The following FAAH2 variants were observed in gnomAD, a reference collection of about 807,000 sequenced individuals.
FAAH2 encodes fatty acid amide hydrolase 2, also known as fatty-acid amide hydrolase 2.
FAAH2 carries 60 observed loss-of-function variants against 36.9 expected under a neutral mutation model. The observed-to-expected ratio is 1.63, with a 90% confidence interval of 1.32 to 2.02. The LOEUF is 2.02. Ranked by LOEUF, FAAH2 falls within the 30% of genes most tolerant of loss-of-function variation. FAAH2 has a pLI of 0.00. For missense variants in FAAH2, 689 were observed against 397.5 expected (o/e 1.73, Z -6.23); for synonymous variants, 214 against 143.8 (o/e 1.49, Z -3.49).
intron 7 of FAAH2, among the ~76,000 whole-genome samples, chrX:57,401,319 G>A (rs746778457): frequency 9.0e-6 from 1 of 111,078 alleles, no homozygotes; most frequent in Non-Finnish European, 1.9e-5. Context: ...AGGTAAAACA[G>A]TCCAGGTGAG....
At chrX:57,406,736 G>A (rs2055575703) in intron 7 of FAAH2, among the ~76,000 whole-genome samples, 1 of 112,729 alleles carries the variant, frequency 8.9e-6, no homozygotes, top group African/African-American at 3.2e-5. Context: ...CAGTTCTGTG[G>A]CTGGTCTGCA....
At chrX:57,439,095 A>C (rs1046862660) in intron 8 of FAAH2, among the ~76,000 whole-genome samples, 3 of 110,969 alleles carry the variant, frequency 2.7e-5, no homozygotes, top group Admixed American at 9.6e-5. Flanking sequence ...AGCATGATTT[A>C]TAATCCTTTG....
intron 10 of FAAH2, among the ~76,000 whole-genome samples, chrX:57,482,371 G>T (rs923574021): frequency 9.0e-6 from 1 of 111,648 alleles, no homozygotes; most frequent in Non-Finnish European, 1.9e-5. Flanking sequence ...GAAACTCAGG[G>T]CCCCGGTGGT....
chrX:57,346,685 C>T (rs775218817), intron 5 of FAAH2, among the ~76,000 whole-genome samples: 12 of 111,385 alleles, frequency 1.1e-4, no homozygotes, highest in South Asian at 3.7e-4. Flanking sequence ...TATCTGTGGG[C>T]TATTTGCTTG....
chrX:57,468,210 G>A (rs908531588), intron 10 of FAAH2, among the ~76,000 whole-genome samples: 12 of 111,854 alleles, frequency 1.1e-4, no homozygotes, highest in East Asian at 2.8e-4. Flanking sequence ...CCAAAGGAAC[G>A]CAGCTCCTCA....
chrX:57,388,417 A>C (rs904822939), intron 7 of FAAH2, among the ~76,000 whole-genome samples: 1 of 111,044 alleles, frequency 9.0e-6, no homozygotes, highest in East Asian at 2.8e-4. Context: ...GCAACACCTT[A>C]CTTTTACCTA....
At chrX:57,260,890 A>T in the FAAH2 span, among the ~76,000 whole-genome samples, 1 of 111,724 alleles carries the variant, frequency 9.0e-6, no homozygotes, top group Non-Finnish European at 1.9e-5. Flanking sequence ...AAAAAATGAC[A>T]ACCACAAGTG....
At chrX:57,401,554 G>A (rs1371299989) in intron 7 of FAAH2, among the ~76,000 whole-genome samples, 1 of 111,323 alleles carries the variant, frequency 9.0e-6, no homozygotes, top group African/African-American at 3.3e-5. Context: ...TGTCCGTTGG[G>A]TTTCTGTACT....
chrX:57,143,431 G>A, the FAAH2 span, among the ~76,000 whole-genome samples: 1 of 109,999 alleles, frequency 9.1e-6, no homozygotes, highest in Non-Finnish European at 1.9e-5. Context: ...ACTTTTTGTT[G>A]TTTCTATATA....
At chrX:57,276,573 C>A in the FAAH2 span, among the ~76,000 whole-genome samples, 1 of 111,308 alleles carries the variant, frequency 9.0e-6, no homozygotes, top group African/African-American at 3.3e-5. Flanking sequence ...TAACTAAGAT[C>A]AGAGCAGAAC....
chrX:57,455,757 A>G (rs939930500), intron 10 of FAAH2, among the ~76,000 whole-genome samples: 4 of 112,316 alleles, frequency 3.6e-5, no homozygotes, highest in African/African-American at 9.7e-5. Flanking sequence ...AGTCTTAACT[A>G]TCCTAAACAT....
At chrX:57,466,061 C>T (rs1467422523) in intron 10 of FAAH2, among the ~76,000 whole-genome samples, 1 of 106,942 alleles carries the variant, frequency 9.4e-6, no homozygotes, top group Admixed American at 1.0e-4. Flanking sequence ...CTTTCATACA[C>T]ACGCACACAT....
rs2055212734 is a variant in FAAH2, at chrX:57,393,355, A to G, written c.996+12326A>G. 4.0e-6 allele frequency: 3 copies of G among 748,660 alleles called. No individual in the cohort carries two copies. In the East Asian group the frequency reaches 9.5e-5, roughly 24 times the overall value. 61.7% of individuals were successfully genotyped at this position (748,660 alleles called of 1,213,427 possible). A position where few individuals can be genotyped will look rare whatever the true frequency, so the allele number is the denominator to read the frequency against. On this transcript the variant is annotated intron_variant, in intron 7 of 10. Transcript: ENST00000374900. ...TCTTTAGAGCGCTGACAGTGGCAAC[A>G]AGCACCACCACGTGAGGGTGGAGAC...
chrX:57,378,679 C>T lies in FAAH2; in HGVS notation c.771C>T (p.Pro257=). ...TGGTTCCCAACAAAGGTCAGTTTCC[C>T]TTGGCTGTGGGAGCCCAGGAGTTGT... The part of the protein sequence containing the change: ...PGVVPNKGQF[P]LAVGAQELFL... The change falls in exon 6 of 11, where the codon CCC becomes CCT. Residue 257 remains proline, a synonymous_variant. Coordinates refer to ENST00000374900, the MANE Select transcript of FAAH2 (RefSeq NM_174912.4). The T allele has an allele frequency of 1.7e-6, 2 of 1,211,248 alleles. No individual in the cohort carries two copies. The highest frequency in any genetic ancestry group is 1.1e-6 in the Non-Finnish European group (1 of 895,227).
the FAAH2 span, among the ~76,000 whole-genome samples, chrX:57,193,711 G>T: frequency 1.8e-5 from 2 of 111,659 alleles, no homozygotes; most frequent in South Asian, 7.4e-4. Context: ...ACTATCGGGG[G>T]CACATTCCCC....
chrX:57,205,446 G>T, the FAAH2 span, among the ~76,000 whole-genome samples: 1 of 112,128 alleles, frequency 8.9e-6, no homozygotes, highest in Admixed American at 9.4e-5. Context: ...TTTGCAATTG[G>T]GTAAATAAAG....
chrX:57,372,499 A>G (rs995080063), intron 5 of FAAH2, among the ~76,000 whole-genome samples: 1 of 109,906 alleles, frequency 9.1e-6, no homozygotes, highest in African/African-American at 3.3e-5. Flanking sequence ...TCATGGGGTT[A>G]TTTGTTTATT....
At chrX:57,240,516 G>T in the FAAH2 span, among the ~76,000 whole-genome samples, 1 of 111,616 alleles carries the variant, frequency 9.0e-6, no homozygotes, top group African/African-American at 3.3e-5. Flanking sequence ...GCTTGTGTCA[G>T]CAGGATCGGT....
At chrX:57,456,211 A>C (rs1053189278) in intron 10 of FAAH2, among the ~76,000 whole-genome samples, 1 of 111,968 alleles carries the variant, frequency 8.9e-6, no homozygotes, top group South Asian at 3.7e-4. Flanking sequence ...TGGGCAAAAA[A>C]CAAAATTAAG....
Sources: gnomAD v4.1 joint callset for allele counts (sites outside exome capture counted in the v4.1 genomes callset) on GRCh38, gnomAD v4.1.1 for gene constraint, MANE v1.5 for transcripts, NCBI Gene and HGNC (gene_info 2026-07-23, HGNC 2026-07-21) for gene names.